Variants in THBS1 observed in about 807,000 individuals in gnomAD.
THBS1 encodes thrombospondin-1.
Under a neutral mutation model 126.1 loss-of-function variants are expected in THBS1, and 29 were observed. The observed-to-expected ratio is 0.23, with a 90% confidence interval of 0.17 to 0.31. The LOEUF (loss-of-function observed/expected upper bound fraction) is 0.31, where lower values mean the gene tolerates loss of function less well. THBS1 is among the 10% of genes least tolerant of loss of function. The pLI is 1.00. For missense variants in THBS1, 1,198 were observed against 1,545.2 expected, an observed-to-expected ratio of 0.78 and a Z score of 3.77; for synonymous variants, 496 against 577.8, an observed-to-expected ratio of 0.86 and a Z score of 2.03.
chr15:39,581,803 C>T (rs1193852281), intron 1 of THBS1, 26 bp from the exon 2 acceptor site: 19 of 1,525,804 alleles, frequency 1.2e-5, no homozygotes, highest in Non-Finnish European at 1.6e-5. Context: ...ATCTCTGACC[C>T]TCGGCTCTTG....
chr15:39,584,990 T>C (rs1890183426), intron 6 of THBS1, among the ~76,000 whole-genome samples: 1 of 152,350 alleles, frequency 6.6e-6, no homozygotes, highest in South Asian at 2.1e-4. Flanking sequence ...AAATCACAGA[T>C]GACTGGCTGT....
Position 39,588,208 on chromosome 15 carries a change from C to T in THBS1, c.1461C>T (p.Asp487=), listed in dbSNP as rs745777643. 1.1e-5 allele frequency: 18 copies of T among 1,613,356 alleles called. No homozygotes were observed. The highest frequency in any genetic ancestry group is 4.0e-5 in the African/African-American group (3 of 74,912). Residue 487 remains aspartate (D), a synonymous_variant, in exon 9 of 22, where the codon GAC becomes GAT. Coordinates refer to ENST00000260356, the MANE Select transcript of THBS1 (RefSeq NM_003246.4). ...EARETKACKK[D]ACPINGGWGP... Reference sequence around the variant, plus strand: ...GGGAGACCAAAGCCTGCAAGAAAGACGCCTGCCCCAGTAAGTGTGAGGTCC... The same window carrying T: ...GGGAGACCAAAGCCTGCAAGAAAGATGCCTGCCCCAGTAAGTGTGAGGTCC...
intron 7 of THBS1, chr15:39,586,610 G>A (rs192693054): frequency 1.6e-4 from 24 of 152,270 alleles, no homozygotes; most frequent in Admixed American, 9.8e-4. Flanking sequence ...ACTAACTCAC[G>A]GCCGAGTTGG....
intron 6 of THBS1, among the ~76,000 whole-genome samples, chr15:39,585,090 C>T (rs1303420777): frequency 6.6e-6 from 1 of 151,722 alleles, no homozygotes; most frequent in Non-Finnish European, 1.5e-5. Flanking sequence ...ATAGATCTTC[C>T]TTCCTCCCCC....
rs770141573 is a variant in THBS1 at position 39,593,172 on chromosome 15, C to A, written c.2940C>A (p.Arg980=). 14 of 1,611,282 alleles carry A rather than the reference C, an allele frequency of 8.7e-6. No individual in the cohort carries two copies. The highest frequency in any genetic ancestry group is 1.7e-4 in the Middle Eastern group (1 of 6,052). Residue 980 remains arginine, a synonymous_variant, in exon 18 of 22, where the codon CGC becomes CGA. Transcript: ENST00000260356. The surrounding 1 kb of genome is among the most constrained non-coding windows in gnomAD (Gnocchi z 5.9). ...TSQNDPNWVV[R]HQGKELVQTV... is the part of the protein sequence containing the mutation. ...AAAATGACCCTAACTGGGTTGTACGCCATCAGGGTAAAGAACTCGTCCAGA... is the reference window on the plus strand; with the variant it reads ...AAAATGACCCTAACTGGGTTGTACGACATCAGGGTAAAGAACTCGTCCAGA...
In THBS1 at chr15:39,592,537, A is replaced by G; in HGVS notation, c.2533-31A>G. On this transcript the variant is annotated intron_variant, in intron 16 of 21. Coordinates refer to ENST00000260356, the MANE Select transcript of THBS1 (RefSeq NM_003246.4). This position sits in a 1 kb window ranked among gnomAD's most constrained non-coding sequence, Gnocchi z 4.3. ...CTTTAACATGAATGGTTTATACTGC[A>G]ATTTACCCTCCATTTACATCTCTCT... 1 of 1,558,682 alleles carries G rather than the reference A, an allele frequency of 6.4e-7. No homozygotes were observed. Among genetic ancestry groups the G allele is most frequent in the South Asian group, 1.2e-5 (1 of 85,204 alleles).
Position 39,583,607 on chromosome 15 carries a change from C to A in THBS1, c.628-10C>A. The A allele has an allele frequency of 6.6e-7, 1 of 1,515,644 alleles. No individual in the cohort carries two copies. The highest frequency in any genetic ancestry group is 1.1e-5 in the South Asian group (1 of 89,856). 93.9% of individuals were successfully genotyped at this position (1,515,644 alleles called of 1,614,324 possible). ...GCATTCTACAAGTAATGTGTGTCCT[C>A]TGCCCACAGGGGGTGCTGCAGAATG... On this transcript the variant is annotated splice_polypyrimidine_tract_variant and intron_variant, in intron 3 of 21. Coordinates refer to ENST00000260356, the MANE Select transcript of THBS1 (RefSeq NM_003246.4).
At position 39,582,405 on chromosome 15, in the gene THBS1, C is replaced by G. The variant is rs754607321; in HGVS notation, c.280C>G (p.Leu94Val). ...AEKGFLLLAS[L>V]RQMKKTRGTL... Reference sequence around the variant, plus strand: ...AAAGGGTTTCCTCCTTCTGGCATCCCTGAGGCAGATGAAGAAGACCCGGGG... The same window carrying G: ...AAAGGGTTTCCTCCTTCTGGCATCCGTGAGGCAGATGAAGAAGACCCGGGG... The change falls in exon 3 of 22, where the codon CTG (leucine) becomes GTG (valine). Residue 94 changes from leucine to valine, a missense_variant. Transcript: ENST00000260356. 6.2e-7 allele frequency: 1 copy of G among 1,614,118 alleles called. No individual in the cohort carries two copies. Among genetic ancestry groups the G allele is most frequent in the South Asian group, 1.1e-5 (1 of 91,076 alleles).
At position 39,595,357 on chromosome 15, in the gene THBS1, A is replaced by C. The variant is rs1195237249; in HGVS notation, c.3506-5A>C. On this transcript the variant is annotated splice_region_variant and splice_polypyrimidine_tract_variant and intron_variant, in intron 21 of 21. Coordinates refer to ENST00000260356, the MANE Select transcript of THBS1 (RefSeq NM_003246.4). ...TATATTTATTTATATTTGTTTATTT[A>C]ACAGATCCCTAATCATCAAATTGTT... 1 of 1,466,514 alleles carries C rather than the reference A, an allele frequency of 6.8e-7. No homozygotes were observed. Among genetic ancestry groups the C allele is most frequent in the Admixed American group, 2.3e-5 (1 of 43,022 alleles). The allele number at this position is 1,466,514 out of a possible 1,614,324, so 90.8% of individuals were successfully genotyped here.
In THBS1 at chr15:39,588,234, G is replaced by A. The variant is rs573309852; in HGVS notation, c.1471+16G>A. On this transcript the variant is annotated intron_variant, in intron 9 of 21. Transcript: ENST00000260356. ...GCCTGCCCCAGTAAGTGTGAGGTCC[G>A]CTGCAAGGGTGAGCATGGGCAGCAG... The A allele has an allele frequency of 6.8e-5, 110 of 1,609,652 alleles. No homozygotes were observed. Among genetic ancestry groups the A allele is most frequent in the Admixed American group, 3.2e-4 (19 of 59,754 alleles).
intron 7 of THBS1, 115 bp downstream of exon 7, chr15:39,585,678 C>A: frequency 3.1e-6 from 3 of 978,322 alleles, no homozygotes; most frequent in Non-Finnish European, 4.6e-6. Context: ...TGCTTCCATT[C>A]AGTTTCTTGC....
intron 5 of THBS1, 32 bp from the exon 6 acceptor site, chr15:39,584,268 G>C (rs747907777): frequency 6.8e-6 from 11 of 1,614,086 alleles, no homozygotes; most frequent in Non-Finnish European, 9.3e-6. Context: ...TGAAAATGCG[G>C]GGGGACACTA....
rs1890310674 is a variant in THBS1, at chr15:39,590,713, C to CA, written c.2253+96dup. On this transcript the variant is annotated intron_variant, in intron 14 of 21. Coordinates refer to ENST00000260356, the MANE Select transcript of THBS1 (RefSeq NM_003246.4). ...ATTCAAGGAAATTACATGGCTATAG[C>CA]AAAAAATATACCAAATCAATACACA... 3.2e-5 allele frequency: 30 copies of CA among 951,654 alleles called. 1 individual carries two copies. The South Asian group carries it at 4.1e-4, about 13-fold the overall frequency. The allele number at this position is 951,654 out of a possible 1,614,324, so 59.0% of individuals were successfully genotyped here. A position where few individuals can be genotyped will look rare whatever the true frequency, so the allele number is the denominator to read the frequency against.
chr15:39,587,361 G>A lies in THBS1; in HGVS notation c.1135G>A (p.Asp379Asn), dbSNP rs1779560225. The A allele has an allele frequency of 6.2e-7, 1 of 1,613,046 alleles. No individual in the cohort carries two copies. The highest frequency in any genetic ancestry group is 8.5e-7 in the Non-Finnish European group (1 of 1,179,424). ...CPRCWPSDSA[D>N]DGWSPWSEWT... Reference sequence around the variant, plus strand: ...TTCCCCTGCAGCCAGCGACTCTGCGGACGATGGCTGGTCTCCATGGTCCGA... The same window carrying A: ...TTCCCCTGCAGCCAGCGACTCTGCGAACGATGGCTGGTCTCCATGGTCCGA... The change falls in exon 8 of 22, where the codon GAC becomes AAC. Residue 379 changes from aspartate (D) to asparagine (N), a missense_variant. Transcript: ENST00000260356.
intron 7 of THBS1, among the ~76,000 whole-genome samples, chr15:39,586,315 TA>T (rs1275027723): frequency 6.6e-6 from 1 of 152,200 alleles, no homozygotes; most frequent in African/African-American, 2.4e-5. Flanking sequence ...ATTGGCACTG[TA>T]ATGGTCGTTT....
intron 10 of THBS1, 90 bp downstream of exon 10, chr15:39,588,789 T>C: frequency 6.4e-7 from 1 of 1,563,368 alleles, no homozygotes; most frequent in South Asian, 1.2e-5. Context: ...TCCAGCTTGG[T>C]TAGTCCTGAG....
intron 7 of THBS1, chr15:39,586,925 G>A (rs1890219014): frequency 6.3e-6 from 1 of 157,808 alleles, no homozygotes; most frequent in African/African-American, 2.4e-5. Flanking sequence ...ATAAACCCCT[G>A]GGCCGTTGGC....
chr15:39,597,280 G>GTTTTTTTTTTTTTTTTTTTTTTGTTTTT lies in THBS1; in HGVS notation c.*1932_*1933insTGTTTTTTTTTTTTTTTTTTTTTTTTTT. On this transcript the variant is annotated 3_prime_UTR_variant, in exon 22 of 22. Transcript: ENST00000260356. Reference sequence around the variant, plus strand: ...GTTGGTTTTTTCTTTTTTTTGTTTTGTTTTTTTTTTTTTTTTTTTTTGCTT... The same window carrying GTTTTTTTTTTTTTTTTTTTTTTGTTTTT: ...GTTGGTTTTTTCTTTTTTTTGTTTTGTTTTTTTTTTTTTTTTTTTTTTGTTTTTTTTTTTTTTTTTTTTTTTTTTGCTT... The GTTTTTTTTTTTTTTTTTTTTTTGTTTTT allele has an allele frequency of 4.2e-5, 2 of 48,042 alleles. No homozygotes were observed. Among genetic ancestry groups the GTTTTTTTTTTTTTTTTTTTTTTGTTTTT allele is most frequent in the Non-Finnish European group, 7.9e-5 (2 of 25,236 alleles). 3.0% of individuals were successfully genotyped at this position (48,042 alleles called of 1,614,324 possible). A position where few individuals can be genotyped will look rare whatever the true frequency, so the allele number is the denominator to read the frequency against.
In THBS1 at chr15:39,591,115, T is replaced by C. The variant is rs1184739796; in HGVS notation, c.2254-76T>C. Reference sequence around the variant, plus strand: ...TTGCTGATTTTCACAGTTTTAGACATATTATGCACATGGTTTGAGGCTTGA... The same window carrying C: ...TTGCTGATTTTCACAGTTTTAGACACATTATGCACATGGTTTGAGGCTTGA... On this transcript the variant is annotated intron_variant, in intron 14 of 21. Coordinates refer to ENST00000260356, the MANE Select transcript of THBS1 (RefSeq NM_003246.4). 2.7e-6 allele frequency: 4 copies of C among 1,507,896 alleles called. No individual in the cohort carries two copies. The African/African-American group carries it at 4.1e-5, about 16-fold the overall frequency. The allele number at this position is 1,507,896 out of a possible 1,614,324, so 93.4% of individuals were successfully genotyped here. A position where few individuals can be genotyped will look rare whatever the true frequency, so the allele number is the denominator to read the frequency against.
Sources: gnomAD v4.1 joint callset for allele counts (sites outside exome capture counted in the v4.1 genomes callset) on GRCh38, gnomAD v4.1.1 for gene constraint, Gnocchi (gnomAD v3.1) non-coding constraint, MANE v1.5 for transcripts, NCBI Gene and HGNC (gene_info 2026-07-23, HGNC 2026-07-21) for gene names.